CFAP95: variants seen among roughly 807,000 people sequenced by gnomAD.
CFAP95 encodes cilia and flagella associated protein 95, also known as cilia- and flagella-associated protein 95.
At chr9:69,866,391 T>G in the CFAP95 span, among the ~76,000 whole-genome samples, 1 of 152,190 alleles carries the variant, frequency 6.6e-6, no homozygotes, top group Non-Finnish European at 1.5e-5. Flanking sequence ...ATGGTGTAAC[T>G]CCTGGTTCAA....
chr9:69,903,620 A>G, the CFAP95 span, among the ~76,000 whole-genome samples: 1 of 152,246 alleles, frequency 6.6e-6, no homozygotes, highest in Admixed American at 6.5e-5. Context: ...AATTTTTTAG[A>G]GCTGGTTTAC....
At chr9:69,897,991 C>G in the CFAP95 span, among the ~76,000 whole-genome samples, 1 of 152,182 alleles carries the variant, frequency 6.6e-6, no homozygotes, top group Non-Finnish European at 1.5e-5. Context: ...TATGGTGATT[C>G]TTTTGTTGCA....
the CFAP95 span, chr9:69,906,052 G>A: frequency 1.2e-6 from 2 of 1,613,302 alleles, no homozygotes; most frequent in Non-Finnish European, 1.7e-6. Context: ...TCAACACTTG[G>A]CATGATGAGA....
At chr9:69,849,448 G>C in the CFAP95 span, among the ~76,000 whole-genome samples, 1 of 152,130 alleles carries the variant, frequency 6.6e-6, no homozygotes, top group African/African-American at 2.4e-5. Flanking sequence ...CCATTACTTT[G>C]CCAGGCATAA....
the CFAP95 span, among the ~76,000 whole-genome samples, chr9:69,900,309 C>T: frequency 6.6e-6 from 1 of 151,932 alleles, no homozygotes; most frequent in Non-Finnish European, 1.5e-5. Flanking sequence ...GGGTTGTTTG[C>T]AGCAACAAGA....
At chr9:69,848,951 CTG>C in the CFAP95 span, among the ~76,000 whole-genome samples, 10 of 152,168 alleles carry the variant, frequency 6.6e-5, no homozygotes, top group Admixed American at 5.9e-4. Context: ...CTCTAAATGA[CTG>C]TGGATGGGCA....
chr9:69,898,395 A>G, the CFAP95 span, among the ~76,000 whole-genome samples: 1 of 152,204 alleles, frequency 6.6e-6, no homozygotes, highest in Non-Finnish European at 1.5e-5. Flanking sequence ...CAGAGAATTC[A>G]TCAATTGCCA....
At chr9:69,844,585 G>C in the CFAP95 span, 1 of 1,613,484 alleles carries the variant, frequency 6.2e-7, no homozygotes. Flanking sequence ...AAAAAACTGT[G>C]TAATTCAACA....
chr9:69,861,444 T>C, the CFAP95 span, among the ~76,000 whole-genome samples: 14 of 152,286 alleles, frequency 9.2e-5, no homozygotes, highest in South Asian at 2.9e-3. Context: ...AATACTGCAT[T>C]ATGTATGGTC....
At chr9:69,841,737 CA>C in the CFAP95 span, among the ~76,000 whole-genome samples, 25 of 152,248 alleles carry the variant, frequency 1.6e-4, no homozygotes, top group African/African-American at 6.0e-4. Flanking sequence ...TGCTGGAAGG[CA>C]AATGATGAGT....
At chr9:69,876,915 A>G in the CFAP95 span, among the ~76,000 whole-genome samples, 130,257 of 152,184 alleles carry the variant, frequency 0.86, 55,956 homozygotes, top group Middle Eastern at 0.93. Context: ...GATTACAGGC[A>G]TGAGCCACTG....
At chr9:69,829,533 C>T in the CFAP95 span, among the ~76,000 whole-genome samples, 1 of 152,194 alleles carries the variant, frequency 6.6e-6, no homozygotes, top group Non-Finnish European at 1.5e-5. Context: ...TACAGAAGTA[C>T]CTCTGCCTCA....
At chr9:69,835,764 C>T in the CFAP95 span, among the ~76,000 whole-genome samples, 5 of 152,130 alleles carry the variant, frequency 3.3e-5, no homozygotes, top group Admixed American at 6.5e-5. Flanking sequence ...GATACATGAA[C>T]GGATAATTAC....
At chr9:69,870,775 G>A in the CFAP95 span, among the ~76,000 whole-genome samples, 2 of 152,284 alleles carry the variant, frequency 1.3e-5, no homozygotes, top group South Asian at 4.1e-4. Context: ...GGGTAAACAG[G>A]ATGCAAGGGA....
the CFAP95 span, among the ~76,000 whole-genome samples, chr9:69,894,136 A>G: frequency 3.3e-5 from 5 of 152,318 alleles, no homozygotes; most frequent in Non-Finnish European, 7.4e-5. Context: ...AAAGATCTCA[A>G]CACATGTCAT....
chr9:69,856,715 G>C, the CFAP95 span: 1 of 1,411,318 alleles, frequency 7.1e-7, no homozygotes, highest in Non-Finnish European at 9.9e-7. Flanking sequence ...ATGTGGACAT[G>C]CAGAAAGGAC....
At chr9:69,838,659 A>G in the CFAP95 span, among the ~76,000 whole-genome samples, 2 of 152,086 alleles carry the variant, frequency 1.3e-5, no homozygotes, top group African/African-American at 4.8e-5. Flanking sequence ...TTCTAGATAT[A>G]TAATCATGTC....
At chr9:69,868,329 C>T in the CFAP95 span, among the ~76,000 whole-genome samples, 1 of 144,152 alleles carries the variant, frequency 6.9e-6, no homozygotes, top group Non-Finnish European at 1.5e-5. Context: ...AATAAACAAA[C>T]AAAAATGAGA....
the CFAP95 span, among the ~76,000 whole-genome samples, chr9:69,837,550 T>A: frequency 6.6e-6 from 1 of 152,240 alleles, no homozygotes; most frequent in Admixed American, 6.5e-5. Context: ...TGTCTGTTCA[T>A]GTCCTTCGCC....
Sources: allele counts gnomAD v4.1 joint callset (sites outside exome capture counted in the v4.1 genomes callset), GRCh38; gene constraint gnomAD v4.1.1; transcripts MANE v1.5; gene names NCBI Gene and HGNC (gene_info 2026-07-23, HGNC 2026-07-21).